Variants in ATP2C1 observed in about 807,000 individuals in gnomAD.
ATP2C1 encodes calcium-transporting ATPase type 2C member 1.
ATP2C1 carries 31 observed loss-of-function variants against 120.5 expected under a neutral mutation model. The observed-to-expected ratio is 0.26, with a 90% CI of 0.19 to 0.35. The LOEUF is 0.35. Ranked by LOEUF, ATP2C1 falls within the 10% of genes least tolerant of loss-of-function variation. The probability of loss-of-function intolerance (pLI) is 1.00; values close to 1 mark genes in which losing one functional copy is unlikely to be tolerated. For missense variants in ATP2C1, 731 were observed against 1,107.5 expected, an observed-to-expected ratio of 0.66 and a Z score of 4.83; for synonymous variants, 351 against 358.7, an observed-to-expected ratio of 0.98 and a Z score of 0.24.
At chr3:130,982,598 A>C (rs2061817649) in intron 20 of ATP2C1, among the ~76,000 whole-genome samples, 1 of 152,194 alleles carries the variant, frequency 6.6e-6, no homozygotes. Flanking sequence ...CAAAATAAGC[A>C]CTTATCTGGA....
chr3:130,971,992 G>A (rs575496987), intron 17 of ATP2C1, among the ~76,000 whole-genome samples: 2 of 152,152 alleles, frequency 1.3e-5, no homozygotes, highest in African/African-American at 4.8e-5. Context: ...GCCTGGTCTC[G>A]TAAGGCAGTG....
intron 6 of ATP2C1, among the ~76,000 whole-genome samples, chr3:130,938,506 G>T (rs2059763810): frequency 6.6e-6 from 1 of 152,220 alleles, no homozygotes; most frequent in African/African-American, 2.4e-5. Flanking sequence ...CTCTAACCTA[G>T]TTGTTATTAG....
chr3:130,902,878 C>T (rs1248448051), intron 2 of ATP2C1, among the ~76,000 whole-genome samples: 2 of 151,846 alleles, frequency 1.3e-5, no homozygotes, highest in East Asian at 3.9e-4. Flanking sequence ...ACAGGACCAC[C>T]GATATTTTCA....
At chr3:130,967,504 T>G (rs1223673645) in intron 16 of ATP2C1, 85 bp downstream of exon 16, 1 of 1,136,696 alleles carries the variant, frequency 8.8e-7, no homozygotes, top group Non-Finnish European at 1.3e-6. Flanking sequence ...GTATTACTGG[T>G]TTTTAGGTAT....
At chr3:130,934,566 T>G in intron 4 of ATP2C1, 56 bp from the exon 5 acceptor site, 1 of 1,150,276 alleles carries the variant, frequency 8.7e-7, no homozygotes, top group Non-Finnish European at 1.3e-6. Context: ...AAGCCTTTGC[T>G]GAGAGAACTG....
chr3:130,928,841 T>C (rs1046409748), intron 2 of ATP2C1, among the ~76,000 whole-genome samples: 5 of 152,226 alleles, frequency 3.3e-5, no homozygotes, highest in African/African-American at 1.2e-4. Context: ...AATTTTGCTT[T>C]ATGATCTCAC....
intron 20 of ATP2C1, among the ~76,000 whole-genome samples, chr3:130,988,311 CA>C (rs2062123138): frequency 6.6e-6 from 1 of 152,072 alleles, no homozygotes; most frequent in East Asian, 1.9e-4. Context: ...TAATTTCCAT[CA>C]AAAGAACTGT....
At chr3:130,926,922 A>G (rs530742142) in intron 2 of ATP2C1, among the ~76,000 whole-genome samples, 1 of 152,318 alleles carries the variant, frequency 6.6e-6, no homozygotes, top group East Asian at 1.9e-4. Context: ...GAATTATACC[A>G]TCTTGGTAGA....
At chr3:130,850,936 T>C (rs2067655853) in intron 1 of ATP2C1, 1 of 1,321,422 alleles carries the variant, frequency 7.6e-7, no homozygotes. Context: ...CAGGTATCAT[T>C]TTGTTTATAT....
At chr3:130,918,505 A>T in intron 2 of ATP2C1, 1 of 767,892 alleles carries the variant, frequency 1.3e-6, no homozygotes. Context: ...GCTTGTAGGC[A>T]TGTGAGGCTG....
At chr3:130,951,808 G>T (rs1381984848) in intron 8 of ATP2C1, among the ~76,000 whole-genome samples, 1 of 152,026 alleles carries the variant, frequency 6.6e-6, no homozygotes, top group Non-Finnish European at 1.5e-5. Context: ...AATAATTTTT[G>T]TAAGCTTATT....
At chr3:130,977,649 T>C (rs1483342029) in intron 18 of ATP2C1, among the ~76,000 whole-genome samples, 2 of 152,184 alleles carry the variant, frequency 1.3e-5, no homozygotes, top group Admixed American at 1.3e-4. Context: ...TTTGTGTATG[T>C]GTGTTTTGTA....
chr3:130,926,280 T>C (rs767921058), intron 2 of ATP2C1, among the ~76,000 whole-genome samples: 5 of 152,174 alleles, frequency 3.3e-5, no homozygotes, highest in Non-Finnish European at 5.9e-5. Flanking sequence ...ACCATCTTAA[T>C]TTGAGCATCT....
At chr3:130,902,284 G>GTTTTTTTTTTTTTTTTTTTT (rs1157956407) in intron 2 of ATP2C1, among the ~76,000 whole-genome samples, 2 of 65,506 alleles carry the variant, frequency 3.1e-5, no homozygotes, top group Admixed American at 1.8e-4. Context: ...AAGGCTTCAC[G>GTTTTTTTTTTTTTTTTTTTT]TTTTTTTTTT....
intron 2 of ATP2C1, among the ~76,000 whole-genome samples, chr3:130,913,249 A>T (rs1393769874): frequency 6.6e-6 from 1 of 151,994 alleles, no homozygotes; most frequent in African/African-American, 2.4e-5. Context: ...AGTATAATAA[A>T]AAATAAATAA....
chr3:130,943,343 T>C (rs1227518263), intron 8 of ATP2C1, among the ~76,000 whole-genome samples: 1 of 152,062 alleles, frequency 6.6e-6, no homozygotes, highest in African/African-American at 2.4e-5. Flanking sequence ...AGGCTCCCAA[T>C]AGCTGAGATT....
At chr3:130,855,661 G>A (rs977945480) in intron 1 of ATP2C1, among the ~76,000 whole-genome samples, 2 of 152,138 alleles carry the variant, frequency 1.3e-5, no homozygotes, top group African/African-American at 4.8e-5. Context: ...CCTAAGCAGA[G>A]ATGTAGAAAA....
chr3:130,883,714 C>A (rs1656394254), intron 1 of ATP2C1, among the ~76,000 whole-genome samples: 1 of 152,094 alleles, frequency 6.6e-6, no homozygotes, highest in South Asian at 2.1e-4. Context: ...ACCCTGGCCT[C>A]CCAAAGTGCC....
Position 130,999,310 on chromosome 3 carries a change from TAAATA to T in ATP2C1, c.2488-199_2488-195del, listed in dbSNP as rs1433617776. 3.3e-5 allele frequency among the ~76,000 whole-genome samples: 5 copies of T among 152,290 alleles called. No individual in the cohort carries two copies. The East Asian group carries it at 9.6e-4, about 29-fold the overall frequency. ...ACTTTTTAAGCAAGCCTTTTCTTGA[TAAATA>T]AAATAAAAGCTACTTTAATATTTAC... On this transcript the variant is annotated intron_variant, in intron 26 of 27. Coordinates refer to ENST00000510168, the MANE Select transcript of ATP2C1 (RefSeq NM_001378687.1).
Sources: allele counts gnomAD v4.1 joint callset (sites outside exome capture counted in the v4.1 genomes callset), GRCh38; gene constraint gnomAD v4.1.1; transcripts MANE v1.5; gene names NCBI Gene and HGNC (gene_info 2026-07-23, HGNC 2026-07-21).